MAB21L3: variants seen among roughly 807,000 people sequenced by gnomAD.
MAB21L3 encodes the protein mab-21 like 3, also known as protein mab-21-like 3.
In MAB21L3, 36 loss-of-function variants were observed where a neutral mutation model predicts 37.7. That is an observed-to-expected ratio of 0.96 (90% CI 0.73 to 1.26). MAB21L3 has a LOEUF of 1.26. Ranked by LOEUF, MAB21L3 falls within the 50% of genes most tolerant of loss-of-function variation. The probability of loss-of-function intolerance (pLI) is 0.00; values close to 1 mark genes in which losing one functional copy is unlikely to be tolerated. For missense variants in MAB21L3, 430 were observed against 447.3 expected, an observed-to-expected ratio of 0.96 and a Z score of 0.35; for synonymous variants, 186 against 176.8, an observed-to-expected ratio of 1.05 and a Z score of -0.41.
intron 5 of MAB21L3, among the ~76,000 whole-genome samples, chr1:116,125,626 ATTTG>A (rs1364070041): frequency 2.1e-4 from 31 of 146,320 alleles, no homozygotes; most frequent in Admixed American, 4.0e-4. Flanking sequence ...TCATACATAC[ATTTG>A]TTTGTCTAGA....
At chr1:116,116,314 T>C (rs1373155481) in intron 3 of MAB21L3, among the ~76,000 whole-genome samples, 2 of 152,138 alleles carry the variant, frequency 1.3e-5, no homozygotes. Flanking sequence ...TAAGAACTTA[T>C]TGCAGGAAGT....
At chr1:116,120,561 ATAATATAGTATGTATTATATC>A (rs1659719344) in intron 3 of MAB21L3, among the ~76,000 whole-genome samples, 1 of 150,898 alleles carries the variant, frequency 6.6e-6, no homozygotes, top group Admixed American at 6.6e-5. Flanking sequence ...ACAATTATAT[ATAATATAGTATGTATTATATC>A]TACATTTATT....
chr1:116,114,282 G>A (rs1166206998), intron 3 of MAB21L3, among the ~76,000 whole-genome samples: 1 of 152,180 alleles, frequency 6.6e-6, no homozygotes, highest in Non-Finnish European at 1.5e-5. Context: ...GACATTCAGA[G>A]TATCTTGCAC....
Position 116,127,663 on chromosome 1 carries a change from C to G in MAB21L3, c.660+19C>G. ...CATCAAGGTATCAGTGGGCGGGACC[C>G]AGCTTGCCAGAGCAGTGATGCCAAC... On this transcript the variant is annotated intron_variant, in intron 6 of 7. Coordinates refer to ENST00000369500, the MANE Select transcript of MAB21L3 (RefSeq NM_152367.3). 6.3e-7 allele frequency: 1 copy of G among 1,598,942 alleles called. No individual in the cohort carries two copies. Among genetic ancestry groups the G allele is most frequent in the Non-Finnish European group, 8.5e-7 (1 of 1,172,704 alleles).
intron 7 of MAB21L3, among the ~76,000 whole-genome samples, chr1:116,131,615 C>T (rs111938905): frequency 0.05 from 7,630 of 152,120 alleles, 623 homozygotes; most frequent in African/African-American, 0.17. Flanking sequence ...TCTGGGTTCA[C>T]GCCATTCTCC....
intron 4 of MAB21L3, among the ~76,000 whole-genome samples, chr1:116,123,099 G>A (rs1314624368): frequency 6.6e-6 from 1 of 152,188 alleles, no homozygotes; most frequent in Non-Finnish European, 1.5e-5. Context: ...AGCTTTCCAG[G>A]AGGAGGAGGC....
At chr1:116,126,991 G>C (rs1225345166) in intron 5 of MAB21L3, among the ~76,000 whole-genome samples, 1 of 152,196 alleles carries the variant, frequency 6.6e-6, no homozygotes, top group African/African-American at 2.4e-5. Flanking sequence ...TTTTAAGGTA[G>C]GGTAGGCTAA....
At chr1:116,126,221 C>G (rs1490428124) in intron 5 of MAB21L3, among the ~76,000 whole-genome samples, 2 of 152,148 alleles carry the variant, frequency 1.3e-5, no homozygotes, top group African/African-American at 4.8e-5. Context: ...AGATCCTGAT[C>G]TATTCAAGAC....
intron 3 of MAB21L3, among the ~76,000 whole-genome samples, chr1:116,117,158 CA>C (rs1303236575): frequency 5.8e-5 from 5 of 86,104 alleles, no homozygotes; most frequent in Admixed American, 1.3e-4. Context: ...TCAAAATATA[CA>C]TACATATATA....
intron 3 of MAB21L3, 87 bp from the exon 4 acceptor site, chr1:116,120,845 T>C: frequency 6.5e-7 from 1 of 1,533,540 alleles, no homozygotes; most frequent in Non-Finnish European, 8.8e-7. Flanking sequence ...CACCCCTTGC[T>C]GTACCCTTGT....
intron 3 of MAB21L3, among the ~76,000 whole-genome samples, chr1:116,117,158 C>CTACATATATATATATAT (rs1553230651): frequency 1.2e-5 from 1 of 86,110 alleles, no homozygotes; most frequent in African/African-American, 5.8e-5. Flanking sequence ...TCAAAATATA[C>CTACATATATATATATAT]ATACATATAT....
At position 116,124,139 on chromosome 1, in the gene MAB21L3, AGCACTGGCGGTACTACACACTGCAGG is replaced by A; in HGVS notation, c.268_293del (p.Trp90GlnfsTer10). 6.2e-7 allele frequency: 1 copy of A among 1,614,218 alleles called. No individual in the cohort carries two copies. The highest frequency in any genetic ancestry group is 1.1e-5 in the South Asian group (1 of 91,084). On this transcript the variant is annotated frameshift_variant, in exon 5 of 8. Transcript: ENST00000369500. LOFTEE classifies it high-confidence loss of function. ...GCCGGGTACAGGGAGGCCAGGGAGCAGCACTGGCGGTACTACACACTGCAGGGCACCAGGCTGCCCTGCCCGTTGCG... is the reference window on the plus strand; with the variant it reads ...GCCGGGTACAGGGAGGCCAGGGAGCAGCACCAGGCTGCCCTGCCCGTTGCG...
chr1:116,114,386 A>G (rs1659510822), intron 3 of MAB21L3, among the ~76,000 whole-genome samples: 1 of 152,190 alleles, frequency 6.6e-6, no homozygotes, highest in African/African-American at 2.4e-5. Context: ...ATTTAACCTA[A>G]TCAACAACTA....
rs749087602 is a variant in MAB21L3, at chr1:116,133,386, G to T, written c.*21G>T. The T allele has an allele frequency of 5.6e-6, 9 of 1,597,846 alleles. No individual in the cohort carries two copies. Among genetic ancestry groups the T allele is most frequent in the African/African-American group, 2.7e-5 (2 of 74,584 alleles). On this transcript the variant is annotated 3_prime_UTR_variant, in exon 8 of 8. Transcript: ENST00000369500. ...CCTGATGGTTGCCCCGGCCTGGGAG[G>T]CTCTTGGACATTTTATTCTGGCTTA... is the stretch of plus-strand genomic sequence containing the variant.
chr1:116,124,870 T>TACACACACAC (rs148469511), intron 5 of MAB21L3, among the ~76,000 whole-genome samples: 4,929 of 140,258 alleles, frequency 0.035, 90 homozygotes, highest in Non-Finnish European at 0.04. Context: ...AGCATATGCA[T>TACACACACAC]ACACACACAC....
intron 2 of MAB21L3, 27 bp downstream of exon 2, chr1:116,111,837 A>C (rs1405625252): frequency 6.6e-6 from 1 of 152,488 alleles, no homozygotes; most frequent in East Asian, 1.9e-4. Flanking sequence ...CTGACCAGCC[A>C]TTCCTGTGGG....
At chr1:116,132,737 T>C (rs1472544189) in intron 7 of MAB21L3, among the ~76,000 whole-genome samples, 1 of 151,956 alleles carries the variant, frequency 6.6e-6, no homozygotes. Context: ...GAAGATGGGA[T>C]CCAGGGCCCT....
At chr1:116,119,181 T>C (rs1475101542) in intron 3 of MAB21L3, among the ~76,000 whole-genome samples, 2 of 152,254 alleles carry the variant, frequency 1.3e-5, no homozygotes, top group South Asian at 2.1e-4. Flanking sequence ...TTGTATTCTG[T>C]GCTTACATTT....
intron 7 of MAB21L3, 98 bp from the exon 8 acceptor site, chr1:116,133,034 C>G: frequency 1.2e-5 from 12 of 990,614 alleles, no homozygotes; most frequent in Non-Finnish European, 1.8e-5. Context: ...CAACTCTTTT[C>G]TCCCTCCTTC....
Sources: allele counts gnomAD v4.1 joint callset (sites outside exome capture counted in the v4.1 genomes callset), GRCh38; gene constraint gnomAD v4.1.1; transcripts MANE v1.5; gene names NCBI Gene and HGNC (gene_info 2026-07-23, HGNC 2026-07-21).